TRIM2: variants seen among roughly 807,000 people sequenced by gnomAD.
TRIM2 encodes the protein tripartite motif containing 2.
Under a neutral mutation model 75.2 loss-of-function variants are expected in TRIM2, and 20 were observed. The observed-to-expected ratio is 0.27, with a 90% CI of 0.19 to 0.39. The LOEUF is 0.39. Among genes scored for constraint, TRIM2 ranks in the 10% least tolerant of loss-of-function variants. The pLI is 1.00. For missense variants in TRIM2, 660 were observed against 990.8 expected, an observed-to-expected ratio of 0.67 and a Z score of 4.48; for synonymous variants, 373 against 388.3, an observed-to-expected ratio of 0.96 and a Z score of 0.46.
At chr4:153,277,712 C>T (rs942796478) in intron 3 of TRIM2, among the ~76,000 whole-genome samples, 1 of 152,180 alleles carries the variant, frequency 6.6e-6, no homozygotes, top group African/African-American at 2.4e-5. Context: ...GAAATAGCAT[C>T]CTGAGCTTTC....
At chr4:153,318,127 T>G (rs77874350) in intron 8 of TRIM2, among the ~76,000 whole-genome samples, 4,322 of 152,342 alleles carry the variant, frequency 0.028, 207 homozygotes, top group African/African-American at 0.098. Context: ...GGGCTTCATG[T>G]CCTCATGCAG....
upstream of TRIM2, among the ~76,000 whole-genome samples, chr4:153,199,897 T>G (rs1734148574): frequency 1.3e-5 from 2 of 151,340 alleles, no homozygotes; most frequent in African/African-American, 2.4e-5. Flanking sequence ...CCTCAGCCTC[T>G]GGAGTAGCTG....
chr4:153,233,860 C>T (rs56180707), intron 1 of TRIM2, among the ~76,000 whole-genome samples: 6 of 152,130 alleles, frequency 3.9e-5, no homozygotes, highest in Non-Finnish European at 7.3e-5. Context: ...TGTTGCATTG[C>T]ATAATTTCTG....
At chr4:153,302,275 A>G (rs910523247) in intron 6 of TRIM2, among the ~76,000 whole-genome samples, 1 of 152,144 alleles carries the variant, frequency 6.6e-6, no homozygotes, top group African/African-American at 2.4e-5. Context: ...CAAATCCAGT[A>G]TCTAGTCAAA....
chr4:153,214,240 A>G (rs1283082037), intron 1 of TRIM2, among the ~76,000 whole-genome samples: 1 of 152,262 alleles, frequency 6.6e-6, no homozygotes, highest in Non-Finnish European at 1.5e-5. Context: ...GTAATTGATC[A>G]AGGACTCTAA....
rs71598263 is a variant in TRIM2 at position 153,338,953 on chromosome 4, G to GTTT, written c.*3997_*3999dup. Reference sequence around the variant, plus strand: ...CAAGCCTATGTATGAATATGAAGGGGTTTTTTTTTTTTGCTTTGTTTTCTT... The same window carrying GTTT: ...CAAGCCTATGTATGAATATGAAGGGGTTTTTTTTTTTTTTTGCTTTGTTTTCTT... On this transcript the variant is annotated 3_prime_UTR_variant, in exon 12 of 12. Coordinates refer to ENST00000338700, the MANE Select transcript of TRIM2 (RefSeq NM_015271.5). The GTTT allele has an allele frequency of 9.5e-6, 8 of 839,474 alleles. No individual in the cohort carries two copies. The highest frequency in any genetic ancestry group is 5.6e-5 in the African/African-American group (3 of 53,982). 52.0% of individuals were successfully genotyped at this position (839,474 alleles called of 1,614,324 possible).
intron 11 of TRIM2, among the ~76,000 whole-genome samples, chr4:153,329,519 C>T (rs920336763): frequency 6.6e-6 from 1 of 151,234 alleles, no homozygotes; most frequent in African/African-American, 2.4e-5. Context: ...AGAGCAAACC[C>T]CAAACAAGCA....
chr4:153,204,584 A>C, intron 1 of TRIM2, 24 bp downstream of exon 1: 1 of 1,551,654 alleles, frequency 6.4e-7, no homozygotes, highest in African/African-American at 1.4e-5. Flanking sequence ...TCAATGTGGG[A>C]TAATTCTTTT....
intron 6 of TRIM2, among the ~76,000 whole-genome samples, chr4:153,311,197 C>T (rs1046411097): frequency 3.9e-5 from 6 of 152,140 alleles, no homozygotes; most frequent in South Asian, 2.1e-4. Flanking sequence ...ACTGAAAAAA[C>T]GTGTGCTTAT....
chr4:153,223,214 C>A (rs888453141), intron 1 of TRIM2, among the ~76,000 whole-genome samples: 4 of 152,180 alleles, frequency 2.6e-5, no homozygotes, highest in African/African-American at 9.6e-5. Context: ...AGCAACAGGG[C>A]CGCTGAGCAG....
At chr4:153,200,670 G>A (rs1734238506), upstream of TRIM2, among the ~76,000 whole-genome samples, 1 of 145,604 alleles carries the variant, frequency 6.9e-6, no homozygotes, top group East Asian at 2.0e-4. Context: ...CAGGGTTCTT[G>A]TTTCTCCACA....
chr4:153,197,322 CA>C (rs1245398102), intron 1 of TRIM2, among the ~76,000 whole-genome samples: 1 of 152,178 alleles, frequency 6.6e-6, no homozygotes, highest in Non-Finnish European at 1.5e-5. Flanking sequence ...AAAACAAAAT[CA>C]AAAGCTTCAT....
chr4:153,215,895 A>C (rs1042044012), intron 1 of TRIM2, among the ~76,000 whole-genome samples: 2 of 152,212 alleles, frequency 1.3e-5, no homozygotes, highest in Non-Finnish European at 2.9e-5. Context: ...TAATTTGAGA[A>C]TTAAACATTC....
intron 1 of TRIM2, among the ~76,000 whole-genome samples, chr4:153,225,317 T>A (rs1579780758): frequency 6.6e-6 from 1 of 152,222 alleles, no homozygotes; most frequent in Admixed American, 6.5e-5. Flanking sequence ...ACCTGGCAAA[T>A]GCTTTTGATG....
intron 3 of TRIM2, among the ~76,000 whole-genome samples, chr4:153,288,433 C>G (rs1761141798): frequency 6.6e-6 from 1 of 151,814 alleles, no homozygotes; most frequent in Non-Finnish European, 1.5e-5. Context: ...TGAGACTCAT[C>G]TTAGAAAAAA....
chr4:153,266,215 GCTGGA>G (rs1755016665), intron 1 of TRIM2, among the ~76,000 whole-genome samples: 1 of 152,100 alleles, frequency 6.6e-6, no homozygotes, highest in Non-Finnish European at 1.5e-5. Flanking sequence ...AGTGCCCCAG[GCTGGA>G]GTGCAGGGGC....
At chr4:153,212,450 C>T (rs899269803) in intron 1 of TRIM2, among the ~76,000 whole-genome samples, 22 of 152,144 alleles carry the variant, frequency 1.4e-4, no homozygotes, top group Admixed American at 7.9e-4. Flanking sequence ...GTACATTACT[C>T]AGATGATGAG....
chr4:153,158,464 T>C (rs1729440092), intron 1 of TRIM2, among the ~76,000 whole-genome samples: 1 of 152,184 alleles, frequency 6.6e-6, no homozygotes, highest in Non-Finnish European at 1.5e-5. Flanking sequence ...TATAGTGATA[T>C]GTAATGGGCA....
intron 1 of TRIM2, among the ~76,000 whole-genome samples, chr4:153,156,239 T>G (rs900595870): frequency 6.6e-6 from 1 of 152,184 alleles, no homozygotes; most frequent in African/African-American, 2.4e-5. Flanking sequence ...GTTTTATGAT[T>G]TGATGCTTTC....
Sources: allele counts gnomAD v4.1 joint callset (sites outside exome capture counted in the v4.1 genomes callset), GRCh38; gene constraint gnomAD v4.1.1; transcripts MANE v1.5; gene names NCBI Gene and HGNC (gene_info 2026-07-23, HGNC 2026-07-21).